The following MDGA2 variants were observed in gnomAD, a reference collection of about 807,000 sequenced individuals.
MDGA2 encodes MAM domain-containing glycosylphosphatidylinositol anchor protein 2.
MDGA2 carries 40 observed loss-of-function variants against 117.8 expected under a neutral mutation model. The ratio of observed to expected loss-of-function variants is 0.34; its 90% CI spans 0.26 to 0.44. MDGA2 has a LOEUF of 0.44. Ranked by LOEUF, MDGA2 falls within the 20% of genes least tolerant of loss-of-function variation. The probability of loss-of-function intolerance (pLI) is 1.00; values close to 1 mark genes in which losing one functional copy is unlikely to be tolerated. For missense variants in MDGA2, 1,123 were observed against 1,250.6 expected, an observed-to-expected ratio of 0.90 and a Z score of 1.54; for synonymous variants, 452 against 439.0, an observed-to-expected ratio of 1.03 and a Z score of -0.37.
chr14:46,855,238 T>A lies in MDGA2; in HGVS notation c.2753-84A>T. 1 of 1,198,184 alleles carries A rather than the reference T, an allele frequency of 8.3e-7. No individual in the cohort carries two copies. 74.2% of individuals were successfully genotyped at this position (1,198,184 alleles called of 1,614,324 possible). ...CCTTGACCAAACACTTGTAAACTTT[T>A]TAAACTGAAATTTTACAGAACACTC... On this transcript the variant is annotated intron_variant, in intron 14 of 16. Transcript: ENST00000399232. The surrounding 1 kb of genome is among the most constrained non-coding windows in gnomAD (Gnocchi z 4.1).
chr14:47,362,692 A>G (rs2138373957), intron 1 of MDGA2, among the ~76,000 whole-genome samples: 1 of 152,230 alleles, frequency 6.6e-6, no homozygotes, highest in African/African-American at 2.4e-5. Flanking sequence ...ATTTCATCAT[A>G]TTTAACACAA....
chr14:46,872,019 T>C (rs1882023874), intron 14 of MDGA2: 1 of 204,172 alleles, frequency 4.9e-6, no homozygotes. Flanking sequence ...AAAACCCAAG[T>C]GCTATCCATT....
chr14:46,956,859 G>C (rs931791124), intron 9 of MDGA2, among the ~76,000 whole-genome samples: 14 of 152,070 alleles, frequency 9.2e-5, no homozygotes, highest in Non-Finnish European at 8.8e-5. Flanking sequence ...TGCTGTTCTC[G>C]TGATGGTGAG....
At chr14:47,358,908 G>A (rs1891052360) in intron 1 of MDGA2, among the ~76,000 whole-genome samples, 1 of 152,164 alleles carries the variant, frequency 6.6e-6, no homozygotes. Context: ...TACAGATTCA[G>A]TGCAATCTCT....
chr14:47,461,727 T>C (rs921555390), intron 1 of MDGA2, among the ~76,000 whole-genome samples: 1 of 152,110 alleles, frequency 6.6e-6, no homozygotes, highest in Non-Finnish European at 1.5e-5. Context: ...GGTAGGTATG[T>C]ATTGAAAAGA....
At chr14:47,028,637 C>T (rs1334833262) in intron 8 of MDGA2, among the ~76,000 whole-genome samples, 2 of 152,010 alleles carry the variant, frequency 1.3e-5, no homozygotes, top group Non-Finnish European at 2.9e-5. Context: ...TAGAGGGTTG[C>T]GACTTAGCTA....
intron 9 of MDGA2, among the ~76,000 whole-genome samples, chr14:46,948,961 T>C (rs1371965043): frequency 6.6e-6 from 1 of 152,080 alleles, no homozygotes; most frequent in East Asian, 1.9e-4. Flanking sequence ...ATTTTCAATG[T>C]TGTGTTACTC....
chr14:46,949,775 C>T (rs1315749440), intron 9 of MDGA2, among the ~76,000 whole-genome samples: 1 of 151,878 alleles, frequency 6.6e-6, no homozygotes, highest in African/African-American at 2.4e-5. Flanking sequence ...TAGTTGGATT[C>T]CATGACTTTG....
chr14:47,298,607 G>A (rs569594883), intron 2 of MDGA2, among the ~76,000 whole-genome samples: 5 of 152,130 alleles, frequency 3.3e-5, no homozygotes, highest in Admixed American at 1.3e-4. Flanking sequence ...GACTTTGGCC[G>A]GGATGCCAGG....
At chr14:47,023,245 C>T (rs1888359175) in intron 8 of MDGA2, among the ~76,000 whole-genome samples, 1 of 146,582 alleles carries the variant, frequency 6.8e-6, no homozygotes, top group African/African-American at 2.5e-5. Context: ...AAAAGTTCAT[C>T]TGACAGCAAT....
chr14:47,282,404 G>A (rs1044815548), intron 2 of MDGA2, among the ~76,000 whole-genome samples: 1 of 152,168 alleles, frequency 6.6e-6, no homozygotes, highest in Non-Finnish European at 1.5e-5. Context: ...ACAGGGTAGG[G>A]TGTGGTGGCT....
At chr14:47,182,009 A>G (rs1884728570) in intron 3 of MDGA2, among the ~76,000 whole-genome samples, 1 of 152,160 alleles carries the variant, frequency 6.6e-6, no homozygotes. Flanking sequence ...TTGCTGATGA[A>G]CTAATCAAAT....
intron 1 of MDGA2, among the ~76,000 whole-genome samples, chr14:47,573,648 A>G (rs2138825996): frequency 6.6e-6 from 1 of 152,322 alleles, no homozygotes; most frequent in East Asian, 1.9e-4. Flanking sequence ...CTGATAAAGC[A>G]CCAAGTGGTA....
At chr14:47,193,443 T>C (rs907615899) in intron 3 of MDGA2, among the ~76,000 whole-genome samples, 3 of 152,082 alleles carry the variant, frequency 2.0e-5, no homozygotes, top group Non-Finnish European at 4.4e-5. Flanking sequence ...CATGTGACTA[T>C]GTAATACTTC....
At chr14:46,933,199 C>T (rs996762959) in intron 9 of MDGA2, among the ~76,000 whole-genome samples, 11 of 152,028 alleles carry the variant, frequency 7.2e-5, no homozygotes, top group Non-Finnish European at 1.2e-4. Flanking sequence ...GTTTAAGACA[C>T]GTTCCAGAAA....
intron 1 of MDGA2, among the ~76,000 whole-genome samples, chr14:47,419,289 AAAG>A (rs1267335779): frequency 6.6e-6 from 1 of 152,170 alleles, no homozygotes; most frequent in Non-Finnish European, 1.5e-5. Flanking sequence ...TGCACACTTG[AAAG>A]AAGAATTCAC....
intron 1 of MDGA2, among the ~76,000 whole-genome samples, chr14:47,442,298 A>G (rs1261960428): frequency 6.6e-6 from 1 of 152,152 alleles, no homozygotes. Flanking sequence ...CTAATGGTGA[A>G]TAAACAGCAA....
At chr14:47,410,255 TTA>T (rs1171000150) in intron 1 of MDGA2, among the ~76,000 whole-genome samples, 1 of 152,172 alleles carries the variant, frequency 6.6e-6, no homozygotes, top group African/African-American at 2.4e-5. Context: ...TGTAGTTTAC[TTA>T]AGAGGATGAT....
chr14:47,422,662 C>G (rs771336074), intron 1 of MDGA2, among the ~76,000 whole-genome samples: 1 of 152,082 alleles, frequency 6.6e-6, no homozygotes. Context: ...TTCTCTAACT[C>G]CTTTCCTATT....
Sources: allele counts gnomAD v4.1 joint callset (sites outside exome capture counted in the v4.1 genomes callset), GRCh38; gene constraint gnomAD v4.1.1; non-coding constraint Gnocchi (gnomAD v3.1); transcripts MANE v1.5; gene names NCBI Gene and HGNC (gene_info 2026-07-23, HGNC 2026-07-21).